Variants in TNFSF10 observed in about 807,000 individuals in gnomAD.
TNFSF10 encodes TNF superfamily member 10.
TNFSF10 carries 13 observed loss-of-function variants against 29.5 expected under a neutral mutation model. The ratio of observed to expected loss-of-function variants is 0.44; its 90% CI spans 0.29 to 0.70. TNFSF10 has a LOEUF of 0.70. Ranked by LOEUF, TNFSF10 falls within the 30% of genes least tolerant of loss-of-function variation. The pLI, the probability that TNFSF10 is intolerant of heterozygous loss-of-function variation, is 0.13. For missense variants in TNFSF10, 345 were observed against 330.9 expected, an observed-to-expected ratio of 1.04 and a Z score of -0.33; for synonymous variants, 111 against 112.8, an observed-to-expected ratio of 0.98 and a Z score of 0.10.
rs560169679 is a variant in TNFSF10, at chr3:172,521,818, G to A, written c.132+1435C>T. 9.2e-5 allele frequency among the ~76,000 whole-genome samples: 14 copies of A among 152,314 alleles called. No individual in the cohort carries two copies. The South Asian group carries it at 2.7e-3, about 29-fold the overall frequency. On this transcript the variant is annotated intron_variant, in intron 1 of 4. Coordinates refer to ENST00000241261, the MANE Select transcript of TNFSF10 (RefSeq NM_003810.4). ...CCAAATGCTCATCAGTGATAGACTG[G>A]ATAAAGAAAATGTGGCACATATACA... is the stretch of plus-strand genomic sequence containing the variant.
At position 172,509,234 on chromosome 3, in the gene TNFSF10, T is replaced by C; in HGVS notation, c.401A>G (p.Asn134Ser). ...TCTCTTACTTGGAGAAGACAATGTGTTGCTTCTTCCTCTGGTCCCAGTTAT... is the reference window on the plus strand; with the variant it reads ...TCTCTTACTTGGAGAAGACAATGTGCTGCTTCTTCCTCTGGTCCCAGTTAT... Reference protein sequence around the residue: ...AHITGTRGRSNTLSSPNSKNE... With the variant: ...AHITGTRGRSSTLSSPNSKNE... The change falls in exon 4 of 5, where the codon AAC becomes AGC. Residue 134 changes from asparagine (N) to serine (S), a missense_variant. Coordinates refer to ENST00000241261, the MANE Select transcript of TNFSF10 (RefSeq NM_003810.4). 2.5e-6 allele frequency: 4 copies of C among 1,613,874 alleles called. No homozygotes were observed. Among genetic ancestry groups the C allele is most frequent in the Non-Finnish European group, 3.4e-6 (4 of 1,179,820 alleles).
intron 1 of TNFSF10, among the ~76,000 whole-genome samples, chr3:172,520,946 A>G (rs147941037): frequency 0.016 from 2,388 of 152,310 alleles, 61 homozygotes; most frequent in African/African-American, 0.054. Context: ...AAAACAAGCA[A>G]TGGGGAAAGG....
intron 3 of TNFSF10, among the ~76,000 whole-genome samples, chr3:172,510,317 G>A (rs535585681): frequency 1.3e-5 from 2 of 152,224 alleles, no homozygotes; most frequent in Admixed American, 1.3e-4. Flanking sequence ...TCAGCCAGGC[G>A]TGTTGGCCTG....
chr3:172,511,727 G>A, intron 2 of TNFSF10, 68 bp from the exon 3 acceptor site: 1 of 1,372,742 alleles, frequency 7.3e-7, no homozygotes, highest in Non-Finnish European at 1.0e-6. Flanking sequence ...GAATGCCTAT[G>A]GCTCATCTTG....
At chr3:172,506,983 T>G in intron 4 of TNFSF10, 64 bp from the exon 5 acceptor site, 1 of 1,421,778 alleles carries the variant, frequency 7.0e-7, no homozygotes, top group Non-Finnish European at 9.3e-7. Context: ...CAAGGAGCTT[T>G]TTTGCAGCTG....
chr3:172,517,269 C>G, intron 1 of TNFSF10: 1 of 933,570 alleles, frequency 1.1e-6, no homozygotes, highest in Non-Finnish European at 1.3e-6. Context: ...GCCACAGGGA[C>G]TAGCCCAGGT....
At chr3:172,518,511 A>G (rs1186205307) in intron 1 of TNFSF10, 2 of 1,261,666 alleles carry the variant, frequency 1.6e-6, no homozygotes, top group Non-Finnish European at 2.1e-6. Context: ...GTGGAGAGGA[A>G]GCCCTTCTCC....
intron 4 of TNFSF10, among the ~76,000 whole-genome samples, chr3:172,508,522 T>A (rs774936057): frequency 2.4e-4 from 37 of 152,066 alleles, no homozygotes; most frequent in Non-Finnish European, 4.4e-4. Context: ...AGTAAATGAT[T>A]TAGAACCTTT....
At position 172,512,120 on chromosome 3, in the gene TNFSF10, C is replaced by G. The variant is rs189145397; in HGVS notation, c.271-461G>C. On this transcript the variant is annotated intron_variant, in intron 2 of 4. Coordinates refer to ENST00000241261, the MANE Select transcript of TNFSF10 (RefSeq NM_003810.4). The stretch of plus-strand genomic sequence containing the variant: ...AAAATTATTGGACAGACCCAAGCCT[C>G]AAGATGCAGGGCACACTTCCTCTCT... Among the ~76,000 whole-genome samples the G allele has an allele frequency of 1.9e-3, 282 of 152,298 alleles. 1 individual carries two copies. Among genetic ancestry groups the G allele is most frequent in the African/African-American group, 6.3e-3 (261 of 41,558 alleles).
intron 1 of TNFSF10, 124 bp downstream of exon 1, chr3:172,523,129 G>A (rs1242711154): frequency 3.3e-6 from 4 of 1,216,864 alleles, no homozygotes; most frequent in Non-Finnish European, 1.1e-6. Flanking sequence ...TTAGCAGTTA[G>A]AGTGTACCCA....
intron 2 of TNFSF10, among the ~76,000 whole-genome samples, chr3:172,514,279 C>T (rs1256667710): frequency 6.6e-6 from 1 of 152,188 alleles, no homozygotes; most frequent in Admixed American, 6.5e-5. Context: ...AAGCAACTTC[C>T]ATAAACAGAT....
At chr3:172,520,630 T>G (rs231982) in intron 1 of TNFSF10, among the ~76,000 whole-genome samples, 132,265 of 152,184 alleles carry the variant, frequency 0.87, 57,580 homozygotes, top group East Asian at 1. Context: ...GTTCATTCAC[T>G]CAATAAGTAT....
At chr3:172,518,389 C>G (rs1226113839) in intron 1 of TNFSF10, 4 of 1,288,778 alleles carry the variant, frequency 3.1e-6, no homozygotes, top group South Asian at 1.2e-5. Context: ...GTAGACTCAG[C>G]AAGGTAGACT....
chr3:172,514,659 G>A (rs990887873), intron 2 of TNFSF10, among the ~76,000 whole-genome samples: 2 of 152,134 alleles, frequency 1.3e-5, no homozygotes, highest in African/African-American at 2.4e-5. Context: ...ACCAGGAGTC[G>A]GCCAGGTCCT....
intron 3 of TNFSF10, 32 bp from the exon 4 acceptor site, chr3:172,509,353 C>T (rs746333430): frequency 1.3e-6 from 2 of 1,569,156 alleles, no homozygotes; most frequent in South Asian, 1.1e-5. Context: ...GTCATCAACA[C>T]TTGCCAAACT....
rs529604525 is a variant in TNFSF10 at position 172,505,596 on chromosome 3, T to G, written c.*896A>C. On this transcript the variant is annotated 3_prime_UTR_variant, in exon 5 of 5. Coordinates refer to ENST00000241261, the MANE Select transcript of TNFSF10 (RefSeq NM_003810.4). The stretch of plus-strand genomic sequence containing the variant: ...AAAAGATTAGAAGTCTTTTCCCCCA[T>G]TTTTAGTAATCTTGATATTATGAAA... The G allele has an allele frequency of 2.6e-5, 4 of 152,240 alleles. No individual in the cohort carries two copies. Among genetic ancestry groups the G allele is most frequent in the Admixed American group, 2.6e-4 (4 of 15,278 alleles). 9.4% of individuals were successfully genotyped at this position (152,240 alleles called of 1,614,324 possible).
chr3:172,521,397 TG>T (rs563715864), intron 1 of TNFSF10, among the ~76,000 whole-genome samples: 108 of 152,186 alleles, frequency 7.1e-4, no homozygotes, highest in African/African-American at 2.5e-3. Context: ...GCAAAAGATA[TG>T]AACAGATACT....
intron 1 of TNFSF10, among the ~76,000 whole-genome samples, chr3:172,520,807 A>G (rs557434310): frequency 6.6e-6 from 1 of 152,230 alleles, no homozygotes; most frequent in Non-Finnish European, 1.5e-5. Flanking sequence ...AAAGCAGGGA[A>G]GATGGCTACA....
At chr3:172,507,702 A>T (rs3136608) in intron 4 of TNFSF10, among the ~76,000 whole-genome samples, 1 of 151,962 alleles carries the variant, frequency 6.6e-6, no homozygotes, top group African/African-American at 2.4e-5. Context: ...GCAGAACATG[A>T]CAATCATTTA....
Sources: gnomAD v4.1 joint callset for allele counts (sites outside exome capture counted in the v4.1 genomes callset) on GRCh38, gnomAD v4.1.1 for gene constraint, MANE v1.5 for transcripts, NCBI Gene and HGNC (gene_info 2026-07-23, HGNC 2026-07-21) for gene names.